Variants in CTNNA2 observed in about 807,000 individuals in gnomAD.
CTNNA2 encodes catenin alpha-2.
A neutral mutation model predicts 101.0 loss-of-function variants in CTNNA2; 42 were observed. That is an observed-to-expected ratio of 0.42 (90% confidence interval 0.32 to 0.54). CTNNA2 has a LOEUF of 0.54. Among genes scored for constraint, CTNNA2 ranks in the 20% least tolerant of loss-of-function variants. The pLI, the probability that CTNNA2 is intolerant of heterozygous loss-of-function variation, is 0.14. For missense variants in CTNNA2, 871 were observed against 1,223.1 expected, an observed-to-expected ratio of 0.71 and a Z score of 4.29; for synonymous variants, 450 against 456.4, an observed-to-expected ratio of 0.99 and a Z score of 0.18.
chr2:79,908,334 G>A (rs932173566), intron 6 of CTNNA2, among the ~76,000 whole-genome samples: 7 of 152,046 alleles, frequency 4.6e-5, no homozygotes, highest in Admixed American at 3.9e-4. Context: ...TAAGGAATAA[G>A]GAACGTCAAA....
chr2:80,399,487 A>G (rs141784370), intron 8 of CTNNA2, among the ~76,000 whole-genome samples: 406 of 152,326 alleles, frequency 2.7e-3, no homozygotes, highest in Middle Eastern at 6.8e-3. Context: ...AGAGTCTAGT[A>G]GCTTGATCAA....
chr2:79,452,789 A>T (rs943151149), intron 4 of CTNNA2, among the ~76,000 whole-genome samples: 4 of 152,098 alleles, frequency 2.6e-5, no homozygotes, highest in Non-Finnish European at 5.9e-5. Context: ...CCATTTATAA[A>T]GATTCCTAAT....
At chr2:79,876,414 T>G (rs1270941720) in intron 6 of CTNNA2, among the ~76,000 whole-genome samples, 2 of 152,214 alleles carry the variant, frequency 1.3e-5, no homozygotes, top group African/African-American at 4.8e-5. Flanking sequence ...ACAAAATTAT[T>G]TTATAAATTG....
chr2:79,420,025 G>T (rs2104500907), intron 4 of CTNNA2, among the ~76,000 whole-genome samples: 1 of 152,190 alleles, frequency 6.6e-6, no homozygotes, highest in East Asian at 1.9e-4. Context: ...CCCCAGCCTA[G>T]TTATGAAATG....
At chr2:79,462,503 T>C (rs1170887732) in intron 4 of CTNNA2, among the ~76,000 whole-genome samples, 1 of 152,182 alleles carries the variant, frequency 6.6e-6, no homozygotes. Flanking sequence ...CTTAAGTGAC[T>C]ATCTTTTGGC....
At chr2:80,452,001 T>A (rs2149457887) in intron 9 of CTNNA2, among the ~76,000 whole-genome samples, 1 of 152,338 alleles carries the variant, frequency 6.6e-6, no homozygotes. Flanking sequence ...ATGAGGCTAG[T>A]TATATATCAA....
intron 7 of CTNNA2, among the ~76,000 whole-genome samples, chr2:80,146,710 GTTTTTTTT>G (rs34019123): frequency 2.8e-4 from 17 of 61,742 alleles, no homozygotes; most frequent in Middle Eastern, 0.018. Context: ...GTCCCCTCTG[GTTTTTTTT>G]TTTTTTTTTT....
intron 1 of CTNNA2, among the ~76,000 whole-genome samples, chr2:79,585,679 G>C (rs1007550014): frequency 6.6e-6 from 1 of 152,032 alleles, no homozygotes; most frequent in Non-Finnish European, 1.5e-5. Context: ...GTGTGCCCTT[G>C]TCTACCCTGG....
intron 3 of CTNNA2, among the ~76,000 whole-genome samples, chr2:79,801,279 A>C (rs1302289933): frequency 6.6e-6 from 1 of 152,168 alleles, no homozygotes; most frequent in Admixed American, 6.5e-5. Context: ...AGCTGCAGCC[A>C]GTTTCTCTTG....
At chr2:80,434,818 C>G (rs1261969701) in intron 9 of CTNNA2, among the ~76,000 whole-genome samples, 1 of 152,052 alleles carries the variant, frequency 6.6e-6, no homozygotes, top group African/African-American at 2.4e-5. Context: ...CAATGTATTG[C>G]AGGAGTTAAG....
At chr2:79,695,330 T>C (rs1684588340) in intron 2 of CTNNA2, among the ~76,000 whole-genome samples, 1 of 151,964 alleles carries the variant, frequency 6.6e-6, no homozygotes, top group Non-Finnish European at 1.5e-5. Context: ...GAAGAGGAGA[T>C]TTTATTTCTT....
chr2:79,469,647 C>T (rs544847783), intron 4 of CTNNA2, among the ~76,000 whole-genome samples: 2 of 152,090 alleles, frequency 1.3e-5, no homozygotes, highest in Non-Finnish European at 2.9e-5. Flanking sequence ...ACTGGCAAAC[C>T]GAATCCAGCA....
At chr2:79,575,813 A>G (rs1168927730) in intron 1 of CTNNA2, among the ~76,000 whole-genome samples, 1 of 152,208 alleles carries the variant, frequency 6.6e-6, no homozygotes, top group Non-Finnish European at 1.5e-5. Flanking sequence ...GAAGTACAAG[A>G]GTATCTGTTG....
chr2:79,897,399 G>T (rs1540440), intron 6 of CTNNA2, among the ~76,000 whole-genome samples: 38,176 of 151,416 alleles, frequency 0.25, 5,058 homozygotes, highest in Admixed American at 0.31. Context: ...CTTGAATAAG[G>T]GGGGAATATG....
At chr2:79,618,453 G>T (rs1192774436) in intron 1 of CTNNA2, among the ~76,000 whole-genome samples, 1 of 152,046 alleles carries the variant, frequency 6.6e-6, no homozygotes, top group East Asian at 1.9e-4. Flanking sequence ...TGAGGTATTA[G>T]AATTTATTTT....
intron 7 of CTNNA2, among the ~76,000 whole-genome samples, chr2:80,201,372 T>C (rs1286779504): frequency 1.1e-4 from 15 of 137,760 alleles, no homozygotes; most frequent in Non-Finnish European, 1.9e-4. Flanking sequence ...TCTTTCTTTT[T>C]TTTTTTTTTT....
At chr2:80,094,464 G>T (rs1249062591) in intron 7 of CTNNA2, among the ~76,000 whole-genome samples, 1 of 152,118 alleles carries the variant, frequency 6.6e-6, no homozygotes, top group Non-Finnish European at 1.5e-5. Flanking sequence ...TGTTCCTTTG[G>T]CTTAGGATTG....
At chr2:80,394,569 A>ATATC in intron 8 of CTNNA2, among the ~76,000 whole-genome samples, 1 of 152,168 alleles carries the variant, frequency 6.6e-6, no homozygotes, top group South Asian at 2.1e-4. Context: ...GTTCTCTTAG[A>ATATC]TCATCTCTAC....
chr2:80,295,095 T>C (rs1675623632), intron 7 of CTNNA2, among the ~76,000 whole-genome samples: 1 of 152,074 alleles, frequency 6.6e-6, no homozygotes, highest in Non-Finnish European at 1.5e-5. Flanking sequence ...TGCCTTTTTT[T>C]CTTCTCAATC....
Sources: allele counts gnomAD v4.1 joint callset (sites outside exome capture counted in the v4.1 genomes callset), GRCh38; gene constraint gnomAD v4.1.1; transcripts MANE v1.5; gene names NCBI Gene and HGNC (gene_info 2026-07-23, HGNC 2026-07-21).